The following GALNT7 variants were observed in gnomAD, a reference collection of about 807,000 sequenced individuals.
GALNT7 encodes polypeptide N-acetylgalactosaminyltransferase 7.
In GALNT7, 60 loss-of-function variants were observed where a neutral mutation model predicts 82.1. The ratio of observed to expected loss-of-function variants is 0.73; its 90% CI spans 0.59 to 0.91. GALNT7 has a LOEUF of 0.91. Ranked by LOEUF, GALNT7 falls within the 40% of genes least tolerant of loss-of-function variation. The pLI, the probability that GALNT7 is intolerant of heterozygous loss-of-function variation, is 0.00. For synonymous variants in GALNT7, 243 were observed against 275.1 expected, an observed-to-expected ratio of 0.88 and a Z score of 1.15; for missense variants, 660 against 804.2, an observed-to-expected ratio of 0.82 and a Z score of 2.17.
At chr4:173,182,499 C>T (rs745869574) in intron 1 of GALNT7, among the ~76,000 whole-genome samples, 11 of 152,050 alleles carry the variant, frequency 7.2e-5, no homozygotes, top group Non-Finnish European at 1.2e-4. Context: ...TGGTCAGTTT[C>T]TTTTGGGTTC....
At chr4:173,253,270 G>A (rs935043584) in intron 2 of GALNT7, among the ~76,000 whole-genome samples, 3 of 152,112 alleles carry the variant, frequency 2.0e-5, no homozygotes, top group African/African-American at 7.2e-5. Context: ...GATGAGTAGG[G>A]TGCCTTCAGG....
intron 1 of GALNT7, among the ~76,000 whole-genome samples, chr4:173,197,697 G>C (rs1009300047): frequency 2.0e-5 from 3 of 152,226 alleles, no homozygotes; most frequent in African/African-American, 7.2e-5. Flanking sequence ...AACTTGAGCA[G>C]CCACATCTCA....
intron 2 of GALNT7, among the ~76,000 whole-genome samples, chr4:173,287,356 A>G (rs1736361909): frequency 6.6e-6 from 1 of 152,210 alleles, no homozygotes; most frequent in Non-Finnish European, 1.5e-5. Context: ...AGGAGAGTTT[A>G]AATACTTGGG....
At chr4:173,303,363 C>G (rs1176339071) in intron 7 of GALNT7, among the ~76,000 whole-genome samples, 1 of 152,102 alleles carries the variant, frequency 6.6e-6, no homozygotes, top group African/African-American at 2.4e-5. Context: ...ATTCAGAGAA[C>G]AGCAAGGAGC....
chr4:173,257,053 A>G (rs1190442375), intron 2 of GALNT7, among the ~76,000 whole-genome samples: 1 of 152,212 alleles, frequency 6.6e-6, no homozygotes, highest in Non-Finnish European at 1.5e-5. Context: ...CACTCTTTAC[A>G]TTTACACATG....
At chr4:173,215,980 CG>C (rs913381412) in intron 1 of GALNT7, among the ~76,000 whole-genome samples, 1 of 151,966 alleles carries the variant, frequency 6.6e-6, no homozygotes, top group African/African-American at 2.4e-5. Context: ...AGAAATCAGC[CG>C]GGCATGGCAG....
chr4:173,188,330 C>G (rs991146258), intron 1 of GALNT7, among the ~76,000 whole-genome samples: 1 of 152,156 alleles, frequency 6.6e-6, no homozygotes, highest in Non-Finnish European at 1.5e-5. Context: ...TCAGTACCAC[C>G]AAGTAGCACT....
intron 1 of GALNT7, among the ~76,000 whole-genome samples, chr4:173,208,088 A>C (rs1260205861): frequency 1.3e-5 from 2 of 151,844 alleles, no homozygotes; most frequent in Non-Finnish European, 2.9e-5. Context: ...AGGGGAGGGG[A>C]CTTGGATTTA....
At chr4:173,283,648 A>C (rs1579988520) in intron 2 of GALNT7, among the ~76,000 whole-genome samples, 1 of 151,912 alleles carries the variant, frequency 6.6e-6, no homozygotes, top group East Asian at 1.9e-4. Flanking sequence ...AAAAAAAAAA[A>C]AAAAAGAAAG....
chr4:173,222,347 A>T (rs1272840339), intron 1 of GALNT7, among the ~76,000 whole-genome samples: 1 of 152,116 alleles, frequency 6.6e-6, no homozygotes, highest in Admixed American at 6.5e-5. Context: ...ATGTCGGCTC[A>T]CTGCAACCTC....
chr4:173,282,034 C>T (rs1021174450), intron 2 of GALNT7, among the ~76,000 whole-genome samples: 2 of 152,230 alleles, frequency 1.3e-5, no homozygotes, highest in African/African-American at 2.4e-5. Context: ...CACTTCGCAG[C>T]GGAGAGGGGA....
At position 173,320,543 on chromosome 4, in the gene GALNT7, G is replaced by A. The variant is rs1409629589; in HGVS notation, c.1837-1037G>A. The stretch of plus-strand genomic sequence containing the variant: ...ACTCCTGCTTCATTTGGTCTGATCT[G>A]AAATGTTGTTTTCGTTCAAGTATAT... On this transcript the variant is annotated intron_variant, in intron 11 of 11. Transcript: ENST00000265000. This position sits in a 1 kb window ranked among gnomAD's most constrained non-coding sequence, Gnocchi z 4.1. Among the ~76,000 whole-genome samples the A allele has an allele frequency of 6.6e-6, 1 of 152,074 alleles. No individual in the cohort carries two copies. Among genetic ancestry groups the A allele is most frequent in the Non-Finnish European group, 1.5e-5 (1 of 67,994 alleles).
At chr4:173,217,406 A>AT in intron 1 of GALNT7, among the ~76,000 whole-genome samples, 1 of 152,268 alleles carries the variant, frequency 6.6e-6, no homozygotes, top group East Asian at 1.9e-4. Context: ...TATGCATCCT[A>AT]CTTAGGTTAT....
chr4:173,287,136 A>G (rs1736354470), intron 2 of GALNT7, among the ~76,000 whole-genome samples: 1 of 152,240 alleles, frequency 6.6e-6, no homozygotes, highest in South Asian at 2.1e-4. Flanking sequence ...ATTGAATAAA[A>G]AGGTTTAAAG....
At chr4:173,204,200 C>T (rs1223940495) in intron 1 of GALNT7, among the ~76,000 whole-genome samples, 1 of 152,178 alleles carries the variant, frequency 6.6e-6, no homozygotes, top group Non-Finnish European at 1.5e-5. Flanking sequence ...AAGTCTACTG[C>T]CAGTCTTTCT....
intron 2 of GALNT7, among the ~76,000 whole-genome samples, chr4:173,257,912 C>T (rs1735103952): frequency 6.6e-6 from 1 of 152,216 alleles, no homozygotes; most frequent in Admixed American, 6.5e-5. Context: ...GAAGGATGTA[C>T]TTCAACTTTT....
At chr4:173,231,370 T>C (rs181281847) in intron 1 of GALNT7, among the ~76,000 whole-genome samples, 1 of 152,288 alleles carries the variant, frequency 6.6e-6, no homozygotes, top group Admixed American at 6.5e-5. Context: ...CTCGAGTTAA[T>C]TGTTTTTGTA....
chr4:173,314,137 A>G lies in GALNT7; in HGVS notation c.1569A>G (p.Ser523=). The change falls in exon 9 of 12, where the codon TCA becomes TCG. Residue 523 remains serine (S), a synonymous_variant. Coordinates refer to ENST00000265000, the MANE Select transcript of GALNT7 (RefSeq NM_017423.3). ...AAGAAATAGCTTATGATATCACCTC[A>G]CACTACCCTTTGCCACCCAAAAATG... ...FMEEIAYDIT[S]HYPLPPKNVD... 1 of 1,613,820 alleles carries G rather than the reference A, an allele frequency of 6.2e-7. No homozygotes were observed. The highest frequency in any genetic ancestry group is 1.6e-4 in the Middle Eastern group (1 of 6,062).
intron 2 of GALNT7, among the ~76,000 whole-genome samples, chr4:173,287,233 A>T (rs569867519): frequency 4.6e-5 from 7 of 152,228 alleles, no homozygotes; most frequent in Admixed American, 3.3e-4. Context: ...TCCAATATAC[A>T]CATTTGAAAG....
Sources: allele counts gnomAD v4.1 joint callset (sites outside exome capture counted in the v4.1 genomes callset), GRCh38; gene constraint gnomAD v4.1.1; non-coding constraint Gnocchi (gnomAD v3.1); transcripts MANE v1.5; gene names NCBI Gene and HGNC (gene_info 2026-07-23, HGNC 2026-07-21).